GABRA2: variants seen among roughly 807,000 people sequenced by gnomAD.
The protein encoded by GABRA2 is gamma-aminobutyric acid receptor subunit alpha-2.
In GABRA2, 16 loss-of-function variants were observed where a neutral mutation model predicts 48.7. The ratio of observed to expected loss-of-function variants is 0.33; its 90% CI spans 0.22 to 0.50. The LOEUF (loss-of-function observed/expected upper bound fraction) is 0.50. Ranked by LOEUF, GABRA2 falls within the 20% of genes least tolerant of loss-of-function variation. The pLI is 0.98. For synonymous variants in GABRA2, 185 were observed against 184.5 expected, an observed-to-expected ratio of 1.00 and a Z score of -0.02; for missense variants, 275 against 535.6, an observed-to-expected ratio of 0.51 and a Z score of 4.80.
chr4:46,377,416 G>A (rs1032153471), intron 3 of GABRA2, among the ~76,000 whole-genome samples: 3 of 151,048 alleles, frequency 2.0e-5, no homozygotes, highest in Non-Finnish European at 3.0e-5. Context: ...GAGCGTCTCT[G>A]CCCAGCCGCC....
At chr4:46,371,509 A>AT (rs1466150934) in intron 3 of GABRA2, among the ~76,000 whole-genome samples, 3 of 152,166 alleles carry the variant, frequency 2.0e-5, no homozygotes, top group African/African-American at 4.8e-5. Flanking sequence ...TATCCAATAC[A>AT]TTTTTTTATA....
At chr4:46,265,464 TATATAATATATTG>T (rs1717989419) in intron 8 of GABRA2, among the ~76,000 whole-genome samples, 5 of 125,076 alleles carry the variant, frequency 4.0e-5, no homozygotes, top group Non-Finnish European at 7.9e-5. Flanking sequence ...ATATAATATA[TATATAATATATTG>T]TGTATATATT....
At chr4:46,379,640 C>G (rs4695152) in intron 3 of GABRA2, among the ~76,000 whole-genome samples, 4,375 of 152,186 alleles carry the variant, frequency 0.029, 101 homozygotes, top group Non-Finnish European at 0.041. Context: ...TTATCCTACT[C>G]AGTGAACTTT....
At chr4:46,315,743 GA>G in intron 4 of GABRA2, among the ~76,000 whole-genome samples, 1 of 151,788 alleles carries the variant, frequency 6.6e-6, no homozygotes, top group South Asian at 2.1e-4. Context: ...TTGTTTTTCG[GA>G]CATACACAAG....
intron 3 of GABRA2, among the ~76,000 whole-genome samples, chr4:46,356,437 G>GAAA (rs35415258): frequency 5.0e-5 from 7 of 139,650 alleles, no homozygotes; most frequent in African/African-American, 7.8e-5. Flanking sequence ...AACTCACTAA[G>GAAA]AAAAAAAAAA....
chr4:46,284,336 C>A (rs1722119043), intron 8 of GABRA2, among the ~76,000 whole-genome samples: 1 of 152,096 alleles, frequency 6.6e-6, no homozygotes, highest in Non-Finnish European at 1.5e-5. Flanking sequence ...GTCTCAGGAA[C>A]CTCGAAAGCA....
At chr4:46,386,522 T>A (rs1239694869) in intron 2 of GABRA2, among the ~76,000 whole-genome samples, 1 of 152,178 alleles carries the variant, frequency 6.6e-6, no homozygotes, top group Admixed American at 6.6e-5. Flanking sequence ...ATGCAAACAC[T>A]ATTAGTATTG....
In GABRA2 at chr4:46,347,520, T is replaced by C. The variant is rs553380031; in HGVS notation, c.188-14838A>G. ...GGACAGACTCCTCCATAAATAATGT[T>C]GGAAAAACTGTCTATCCACATGCAG... On this transcript the variant is annotated intron_variant, in intron 3 of 9. Transcript: ENST00000381620. Among the ~76,000 whole-genome samples, 6 of 152,082 alleles carry C rather than the reference T, an allele frequency of 3.9e-5. No homozygotes were observed. The South Asian group carries it at 1.2e-3, about 32-fold the overall frequency.
chr4:46,251,664 C>T (rs1223431063), intron 9 of GABRA2, among the ~76,000 whole-genome samples: 1 of 151,456 alleles, frequency 6.6e-6, no homozygotes, highest in African/African-American at 2.4e-5. Flanking sequence ...CTAAACATCT[C>T]TTTGCTCCCA....
chr4:46,245,284 A>G lies in GABRA2; in HGVS notation c.*5024T>C, dbSNP rs1713516120. On this transcript the variant is annotated 3_prime_UTR_variant, in exon 10 of 10. Coordinates refer to ENST00000381620, the MANE Select transcript of GABRA2 (RefSeq NM_000807.4). ...TAAGGTATGAAACAAATCAGTAATG[A>G]ATATACATAACTTTGTATTTGTAAA... 6.6e-6 allele frequency among the ~76,000 whole-genome samples: 1 copy of G among 151,348 alleles called. No homozygotes were observed. The highest frequency in any genetic ancestry group is 2.4e-5 in the African/African-American group (1 of 41,358).
At chr4:46,265,942 T>C (rs982726067) in intron 8 of GABRA2, among the ~76,000 whole-genome samples, 1 of 152,058 alleles carries the variant, frequency 6.6e-6, no homozygotes. Context: ...TATTTAGAAA[T>C]GTCTTGTTTA....
chr4:46,359,112 C>A (rs2109948166), intron 3 of GABRA2, among the ~76,000 whole-genome samples: 1 of 152,238 alleles, frequency 6.6e-6, no homozygotes, highest in African/African-American at 2.4e-5. Flanking sequence ...TAGTAAGCAG[C>A]AGAAGTGTTA....
At position 46,247,126 on chromosome 4, in the gene GABRA2, C is replaced by A. The variant is rs1713850916; in HGVS notation, c.*3182G>T. Among the ~76,000 whole-genome samples, 1 of 150,898 alleles carries A rather than the reference C, an allele frequency of 6.6e-6. No homozygotes were observed. The highest frequency in any genetic ancestry group is 6.6e-5 in the Admixed American group (1 of 15,080). ...GGCTCAAGGGGATCACTTATCCAAA[C>A]CTGAGATAAATTCAAAATAGAGAGA... On this transcript the variant is annotated 3_prime_UTR_variant, in exon 10 of 10. Transcript: ENST00000381620.
intron 8 of GABRA2, among the ~76,000 whole-genome samples, chr4:46,292,464 A>C (rs1396993481): frequency 6.6e-6 from 1 of 152,202 alleles, no homozygotes; most frequent in Non-Finnish European, 1.5e-5. Flanking sequence ...GAAGATGTGT[A>C]GGAGGACCCT....
chr4:46,254,474 C>A (rs2109395144), intron 9 of GABRA2, among the ~76,000 whole-genome samples: 3 of 151,480 alleles, frequency 2.0e-5, no homozygotes, highest in Non-Finnish European at 4.4e-5. Context: ...TGGCTAATTT[C>A]CTATTGCCTC....
intron 2 of GABRA2, 124 bp from the exon 3 acceptor site, chr4:46,386,313 CTTTT>C: frequency 1.7e-6 from 1 of 575,856 alleles, no homozygotes. Context: ...CGTTTTCCTC[CTTTT>C]TTTTTAACTT....
Position 46,308,845 on chromosome 4 carries a change from C to T in GABRA2, c.559+1328G>A, listed in dbSNP as rs1334468328. 1.5e-4 allele frequency among the ~76,000 whole-genome samples: 23 copies of T among 150,178 alleles called. No individual in the cohort carries two copies. The Admixed American group carries it at 1.5e-3, about 10-fold the overall frequency. ...TCCATCACATCATTTATATTTGATG[C>T]CTTAATGACAATACCTTGTCAACTG... On this transcript the variant is annotated intron_variant, in intron 6 of 9. Coordinates refer to ENST00000381620, the MANE Select transcript of GABRA2 (RefSeq NM_000807.4).
At chr4:46,348,717 T>G (rs1042823527) in intron 3 of GABRA2, among the ~76,000 whole-genome samples, 3 of 135,556 alleles carry the variant, frequency 2.2e-5, no homozygotes, top group Non-Finnish European at 3.0e-5. Flanking sequence ...TAGGTGGGAA[T>G]TGAACAATGA....
intron 4 of GABRA2, among the ~76,000 whole-genome samples, chr4:46,318,136 A>G (rs549158534): frequency 1.8e-4 from 28 of 151,504 alleles, no homozygotes; most frequent in African/African-American, 5.5e-4. Context: ...ATTTAAGAAA[A>G]ATATTAAAAA....
Sources: gnomAD v4.1 joint callset for allele counts (sites outside exome capture counted in the v4.1 genomes callset) on GRCh38, gnomAD v4.1.1 for gene constraint, MANE v1.5 for transcripts, NCBI Gene and HGNC (gene_info 2026-07-23, HGNC 2026-07-21) for gene names.